The following PTPN9 variants were observed in gnomAD, a reference collection of about 807,000 sequenced individuals.
The protein encoded by PTPN9 is protein tyrosine phosphatase non-receptor type 9.
PTPN9 carries 26 observed loss-of-function variants against 69.8 expected under a neutral mutation model. That is an observed-to-expected ratio of 0.37 (90% CI 0.27 to 0.52). The LOEUF is 0.52. Among genes scored for constraint, PTPN9 ranks in the 20% least tolerant of loss-of-function variants. The pLI is 0.91. For missense variants in PTPN9, 549 were observed against 740.3 expected (o/e 0.74, Z 3.00); for synonymous variants, 274 against 272.5 (o/e 1.01, Z -0.05).
chr15:75,524,947 TAAG>T (rs962585635), intron 2 of PTPN9, among the ~76,000 whole-genome samples: 2 of 152,090 alleles, frequency 1.3e-5, no homozygotes, highest in Non-Finnish European at 2.9e-5. Flanking sequence ...TCTGACTCAG[TAAG>T]AACCCTAACC....
chr15:75,471,806 T>C (rs1252270753), intron 10 of PTPN9, among the ~76,000 whole-genome samples: 7 of 151,810 alleles, frequency 4.6e-5, no homozygotes, highest in Non-Finnish European at 7.4e-5. Flanking sequence ...TCCCAGCTAC[T>C]TGGGAGGCTG....
At chr15:75,515,426 CAAAAAAAA>C (rs34643551) in intron 5 of PTPN9, among the ~76,000 whole-genome samples, 1 of 69,420 alleles carries the variant, frequency 1.4e-5, no homozygotes, top group Non-Finnish European at 2.9e-5. Context: ...GACTCCGTCT[CAAAAAAAA>C]AAAAAAAAAA....
At chr15:75,485,354 C>CTTTTTTTTTTTT (rs891447336) in intron 8 of PTPN9, among the ~76,000 whole-genome samples, 1 of 78,752 alleles carries the variant, frequency 1.3e-5, no homozygotes, top group Non-Finnish European at 2.3e-5. Context: ...ATTGTCACTT[C>CTTTTTTTTTTTT]TTTTTTTTTT....
At chr15:75,471,329 A>AG (rs2074563665) in intron 10 of PTPN9, among the ~76,000 whole-genome samples, 1 of 152,214 alleles carries the variant, frequency 6.6e-6, no homozygotes. Context: ...ATGATAGGTC[A>AG]GAGAGAACTC....
rs2074875632 is a variant in PTPN9 at position 75,517,320 on chromosome 15, C to T, written c.467G>A (p.Cys156Tyr). The part of the protein sequence containing the change: ...RNGLVFIYDM[C>Y]GSNYANFELD... ...CTCAAAGTTGGCATAATTAGAACCA[C>T]ACATGTCATAGATAAACACCAGTCC... The change falls in exon 5 of 13, where the codon TGT (cysteine) becomes TAT (tyrosine). Residue 156 changes from cysteine (C) to tyrosine (Y), a missense_variant. By Grantham distance (194) the Cys-to-Tyr change is radical. Coordinates refer to ENST00000618819, the MANE Select transcript of PTPN9 (RefSeq NM_002833.4). 2 of 1,614,004 alleles carry T rather than the reference C, an allele frequency of 1.2e-6. No homozygotes were observed. Among genetic ancestry groups the T allele is most frequent in the Non-Finnish European group, 1.7e-6 (2 of 1,179,952 alleles).
chr15:75,509,040 C>T lies in PTPN9; in HGVS notation c.529-13G>A. The stretch of plus-strand genomic sequence containing the variant: ...CTGGAAATGCTCCCTGTGGAGAAAA[C>T]ACATGAGGATTTAAGTGTAATGGAA... On this transcript the variant is annotated splice_polypyrimidine_tract_variant and intron_variant, in intron 5 of 12. Coordinates refer to ENST00000618819, the MANE Select transcript of PTPN9 (RefSeq NM_002833.4). The T allele has an allele frequency of 1.2e-6, 2 of 1,606,418 alleles. 1 individual carries two copies. Among genetic ancestry groups the T allele is most frequent in the African/African-American group, 2.7e-5 (2 of 74,896 alleles).
At position 75,578,727 on chromosome 15, in the gene PTPN9, G is replaced by T; in HGVS notation, c.50C>A (p.Pro17Gln). ...GGGCCCGCTTACCTGCTCCTCCTCC[G>T]GGGTCAGCTCCGGCGCCATGTCGGG... The part of the protein sequence containing the change: ...PRPDMAPELT[P>Q]EEEQATKQFL... Residue 17 changes from proline (P) to glutamine (Q), a missense_variant, in exon 1 of 13, where the codon CCG (proline) becomes CAG (glutamine). By Grantham distance (76) the Pro-to-Gln change is moderately conservative (BLOSUM62 -1). Coordinates refer to ENST00000618819, the MANE Select transcript of PTPN9 (RefSeq NM_002833.4). The T allele has an allele frequency of 7.3e-7, 1 of 1,365,936 alleles. No homozygotes were observed. Among genetic ancestry groups the T allele is most frequent in the South Asian group, 1.7e-5 (1 of 60,550 alleles). 84.6% of individuals were successfully genotyped at this position (1,365,936 alleles called of 1,614,324 possible). A position where few individuals can be genotyped will look rare whatever the true frequency, so the allele number is the denominator to read the frequency against.
At chr15:75,495,552 A>C (rs1413513222) in intron 7 of PTPN9, among the ~76,000 whole-genome samples, 2 of 152,102 alleles carry the variant, frequency 1.3e-5, no homozygotes, top group Non-Finnish European at 2.9e-5. Context: ...GTCTCTACTA[A>C]AAATAACAAA....
At chr15:75,575,782 G>A (rs1324868680) in intron 1 of PTPN9, among the ~76,000 whole-genome samples, 1 of 151,496 alleles carries the variant, frequency 6.6e-6, no homozygotes, top group Non-Finnish European at 1.5e-5. Flanking sequence ...AGCCAGGCGT[G>A]GTGGCGGGCG....
At chr15:75,541,015 G>T (rs1430698361) in intron 1 of PTPN9, among the ~76,000 whole-genome samples, 1 of 151,940 alleles carries the variant, frequency 6.6e-6, no homozygotes, top group African/African-American at 2.4e-5. Flanking sequence ...GGAGGTCCAG[G>T]CTGCAGTGAG....
At chr15:75,471,030 G>C (rs2074561219) in intron 10 of PTPN9, 200 bp from the exon 11 acceptor site, 2 of 621,916 alleles carry the variant, frequency 3.2e-6, no homozygotes, top group South Asian at 5.0e-5. Context: ...GTTTCTGCAT[G>C]TACTCATATA....
rs2074818764 is a variant in PTPN9, at chr15:75,506,132, T to G, written c.640-129A>C. ...ATTTTCTTGAAATACAAGGTATACT[T>G]GTAAAAGTAGTAGACTACATTTCAT... On this transcript the variant is annotated intron_variant, in intron 6 of 12. Coordinates refer to ENST00000618819, the MANE Select transcript of PTPN9 (RefSeq NM_002833.4). The G allele has an allele frequency of 6.8e-6, 5 of 734,228 alleles. No individual in the cohort carries two copies. The South Asian group carries it at 7.7e-5, about 11-fold the overall frequency. The allele number at this position is 734,228 out of a possible 1,614,324, so 45.5% of individuals were successfully genotyped here.
intron 1 of PTPN9, among the ~76,000 whole-genome samples, chr15:75,545,766 T>A (rs1025700075): frequency 6.6e-6 from 1 of 152,168 alleles, no homozygotes; most frequent in Admixed American, 6.6e-5. Context: ...CTGGCCAACA[T>A]GGCGAAACCC....
chr15:75,473,876 G>A, intron 9 of PTPN9, 109 bp from the exon 10 acceptor site: 1 of 791,692 alleles, frequency 1.3e-6, no homozygotes, highest in Non-Finnish European at 2.1e-6. Context: ...TAGATGGTTA[G>A]CTCCCTGCTC....
At chr15:75,505,556 A>C in intron 7 of PTPN9, 119 bp downstream of exon 7, 2 of 666,814 alleles carry the variant, frequency 3.0e-6, no homozygotes, top group Non-Finnish European at 5.2e-6. Flanking sequence ...TGTGAGAGTG[A>C]TGTTCCCTAA....
intron 1 of PTPN9, among the ~76,000 whole-genome samples, chr15:75,573,142 G>C (rs1291519182): frequency 6.6e-6 from 1 of 152,204 alleles, no homozygotes; most frequent in African/African-American, 2.4e-5. Flanking sequence ...AGAAAACCTA[G>C]ACCTGGGTGG....
At chr15:75,529,851 A>C (rs911145932) in intron 1 of PTPN9, among the ~76,000 whole-genome samples, 3 of 152,118 alleles carry the variant, frequency 2.0e-5, no homozygotes, top group Admixed American at 1.3e-4. Flanking sequence ...TGGAGGTTGC[A>C]GTGAGCCAAG....
At chr15:75,524,531 A>G (rs190338283) in intron 2 of PTPN9, among the ~76,000 whole-genome samples, 1 of 152,262 alleles carries the variant, frequency 6.6e-6, no homozygotes, top group Non-Finnish European at 1.5e-5. Context: ...TAATCCCACC[A>G]CTTTGAGAGG....
intron 2 of PTPN9, among the ~76,000 whole-genome samples, chr15:75,524,515 C>T (rs373432652): frequency 4.6e-5 from 7 of 152,094 alleles, no homozygotes; most frequent in Non-Finnish European, 8.8e-5. Flanking sequence ...CAGTGGCCCA[C>T]GCCTGTAATC....
Sources: allele counts gnomAD v4.1 joint callset (sites outside exome capture counted in the v4.1 genomes callset), GRCh38; gene constraint gnomAD v4.1.1; transcripts MANE v1.5; gene names NCBI Gene and HGNC (gene_info 2026-07-23, HGNC 2026-07-21).